ALKBH1: variants seen among roughly 807,000 people sequenced by gnomAD.
ALKBH1 encodes nucleic acid dioxygenase ALKBH1.
In ALKBH1, 31 loss-of-function variants were observed where a neutral mutation model predicts 36.6. The observed-to-expected ratio is 0.85, with a 90% CI of 0.64 to 1.14. The LOEUF (loss-of-function observed/expected upper bound fraction) is 1.14. Among genes scored for constraint, ALKBH1 ranks in the 50% most tolerant of loss-of-function variants. The pLI is 0.00. For missense variants in ALKBH1, 490 were observed against 497.3 expected (o/e 0.99, Z 0.14); for synonymous variants, 183 against 186.6 (o/e 0.98, Z 0.16).
At chr14:77,695,765 C>T (rs1039858652) in intron 2 of ALKBH1, among the ~76,000 whole-genome samples, 2 of 152,138 alleles carry the variant, frequency 1.3e-5, no homozygotes, top group African/African-American at 2.4e-5. Context: ...ATCTTTGTGA[C>T]CTTGACAGCA....
chr14:77,680,281 C>T (rs980955220), intron 3 of ALKBH1, among the ~76,000 whole-genome samples: 4 of 152,108 alleles, frequency 2.6e-5, no homozygotes, highest in African/African-American at 4.8e-5. Flanking sequence ...ATGTCTTTAC[C>T]TGTCCATGGG....
rs369220185 is a variant in ALKBH1, at chr14:77,693,224, A to AAAAC, written c.455+1513_455+1514insGTTT. Among the ~76,000 whole-genome samples the AAAAC allele has an allele frequency of 1.0e-3, 132 of 126,416 alleles. 3 individuals are homozygous for AAAAC. Among genetic ancestry groups the AAAAC allele is most frequent in the Middle Eastern group, 3.9e-3 (1 of 256 alleles). 82.9% of individuals were successfully genotyped at this position (126,416 alleles called of 152,430 possible). On this transcript the variant is annotated intron_variant, in intron 3 of 5. Transcript: ENST00000216489. ...TCCGTCTCAAAAAAAAAAAAAAAAA[A>AAAAC]TTTTTTTTCATAGAGATGGGGTCTT...
chr14:77,675,588 G>C, intron 5 of ALKBH1, 68 bp downstream of exon 5: 1 of 1,396,246 alleles, frequency 7.2e-7, no homozygotes, highest in Non-Finnish European at 9.8e-7. Context: ...ATTTATTTTA[G>C]AGTAAAATGT....
intron 3 of ALKBH1, among the ~76,000 whole-genome samples, chr14:77,691,507 T>C (rs2080297014): frequency 6.6e-6 from 1 of 152,158 alleles, no homozygotes; most frequent in Non-Finnish European, 1.5e-5. Flanking sequence ...ATGATTCAAT[T>C]ACCTTGAATG....
At chr14:77,705,923 C>T (rs1269424985) in intron 1 of ALKBH1, among the ~76,000 whole-genome samples, 1 of 152,012 alleles carries the variant, frequency 6.6e-6, no homozygotes, top group African/African-American at 2.4e-5. Context: ...GGCATGGTGG[C>T]GCGTGCCTGT....
At chr14:77,679,786 C>G in intron 4 of ALKBH1, 94 bp downstream of exon 4, 1 of 948,486 alleles carries the variant, frequency 1.1e-6, no homozygotes, top group Non-Finnish European at 1.6e-6. Context: ...AATGTATAAT[C>G]TTGATATCTT....
At chr14:77,700,490 T>C (rs142816652) in intron 2 of ALKBH1, among the ~76,000 whole-genome samples, 1 of 152,204 alleles carries the variant, frequency 6.6e-6, no homozygotes, top group Non-Finnish European at 1.5e-5. Context: ...TTTTCATATG[T>C]CTTCTAAAGT....
chr14:77,681,911 G>C (rs936741808), intron 3 of ALKBH1, among the ~76,000 whole-genome samples: 1 of 152,164 alleles, frequency 6.6e-6, no homozygotes, highest in African/African-American at 2.4e-5. Context: ...CTTGGGAGAG[G>C]ACTTTTGGAG....
chr14:77,707,172 C>G (rs2080398155), intron 1 of ALKBH1, among the ~76,000 whole-genome samples: 1 of 152,210 alleles, frequency 6.6e-6, no homozygotes, highest in South Asian at 2.1e-4. Flanking sequence ...TCTCGAACCC[C>G]TGGGTTCAAG....
intron 1 of ALKBH1, among the ~76,000 whole-genome samples, chr14:77,707,051 C>T (rs1229355585): frequency 6.6e-6 from 1 of 152,128 alleles, no homozygotes; most frequent in African/African-American, 2.4e-5. Flanking sequence ...CTGTTATGTT[C>T]CCTTAAAAAA....
intron 3 of ALKBH1, among the ~76,000 whole-genome samples, chr14:77,680,416 C>T (rs1237834026): frequency 1.3e-5 from 2 of 151,966 alleles, no homozygotes; most frequent in Non-Finnish European, 2.9e-5. Flanking sequence ...GGGTGGCTTC[C>T]CAGAATTGCA....
intron 3 of ALKBH1, among the ~76,000 whole-genome samples, chr14:77,680,677 CTTTTTT>C (rs1555383644): frequency 8.0e-6 from 1 of 124,346 alleles, no homozygotes; most frequent in Non-Finnish European, 1.7e-5. Flanking sequence ...ATTAACTACT[CTTTTTT>C]TTTTTTTTTT....
At chr14:77,700,762 A>G (rs1333638002) in intron 2 of ALKBH1, among the ~76,000 whole-genome samples, 2 of 152,154 alleles carry the variant, frequency 1.3e-5, no homozygotes, top group Non-Finnish European at 2.9e-5. Flanking sequence ...AGTCCATTTT[A>G]GACAACTGTT....
intron 2 of ALKBH1, chr14:77,697,251 A>C (rs1314606800): frequency 6.5e-6 from 1 of 154,926 alleles, no homozygotes; most frequent in Admixed American, 6.5e-5. Context: ...CAGGAGTTCA[A>C]AATCTGTGGG....
At chr14:77,680,765 C>T (rs992357002) in intron 3 of ALKBH1, among the ~76,000 whole-genome samples, 5 of 151,238 alleles carry the variant, frequency 3.3e-5, no homozygotes, top group East Asian at 3.9e-4. Context: ...CCACAGCCTC[C>T]GCCTCCCAGG....
rs1318611210 is a variant in ALKBH1, at chr14:77,679,929, T to C, written c.497A>G (p.Glu166Gly). The C allele has an allele frequency of 3.1e-6, 5 of 1,614,070 alleles. No individual in the cohort carries two copies. The highest frequency in any genetic ancestry group is 4.2e-6 in the Non-Finnish European group (5 of 1,180,008). The change falls in exon 4 of 6, where the codon GAG becomes GGG. Residue 166 changes from glutamate to glycine, a missense_variant. Coordinates refer to ENST00000216489, the MANE Select transcript of ALKBH1 (RefSeq NM_006020.3). ...ATKRRPRSLL[E>G]KLRWVTVGYH... The stretch of plus-strand genomic sequence containing the variant: ...GCCTACGGTCACCCAACGCAGTTTC[T>C]CCAGTAAACTTCGGGGTCTCCGTTT...
chr14:77,695,220 T>C (rs1390690760), intron 2 of ALKBH1, among the ~76,000 whole-genome samples: 4 of 152,230 alleles, frequency 2.6e-5, no homozygotes, highest in African/African-American at 9.6e-5. Flanking sequence ...CATCCGAGAC[T>C]TCTTTACCTC....
intron 5 of ALKBH1, 47 bp from the exon 6 acceptor site, chr14:77,674,288 T>G: frequency 6.8e-7 from 1 of 1,473,726 alleles, no homozygotes; most frequent in Middle Eastern, 1.8e-4. Flanking sequence ...AGTATAAATT[T>G]TGTTTATTAA....
intron 4 of ALKBH1, 62 bp from the exon 5 acceptor site, chr14:77,675,911 T>C: frequency 3.0e-6 from 4 of 1,314,036 alleles, no homozygotes; most frequent in Middle Eastern, 2.1e-4. Context: ...CAGGAAACTA[T>C]AAGATTAATT....
Sources: gnomAD v4.1 joint callset for allele counts (sites outside exome capture counted in the v4.1 genomes callset) on GRCh38, gnomAD v4.1.1 for gene constraint, MANE v1.5 for transcripts, NCBI Gene and HGNC (gene_info 2026-07-23, HGNC 2026-07-21) for gene names.